Variants in NEO1 observed in about 807,000 individuals in gnomAD.
NEO1 encodes neogenin 1, also known as neogenin.
NEO1 carries 63 observed loss-of-function variants against 159.7 expected under a neutral mutation model. That is an observed-to-expected ratio of 0.39 (90% CI 0.32 to 0.49). The LOEUF (loss-of-function observed/expected upper bound fraction) is 0.49, where lower values mean the gene tolerates loss of function less well. NEO1 is among the 20% of genes least tolerant of loss of function. NEO1 has a pLI of 0.85. For synonymous variants in NEO1, 633 were observed against 662.0 expected, an observed-to-expected ratio of 0.96 and a Z score of 0.67; for missense variants, 1,615 against 1,831.0, an observed-to-expected ratio of 0.88 and a Z score of 2.15.
At chr15:73,300,681 A>G (rs1184537959) in intron 27 of NEO1, among the ~76,000 whole-genome samples, 3 of 152,222 alleles carry the variant, frequency 2.0e-5, no homozygotes. Context: ...CAGTGAGCAG[A>G]GGTTGCTCCA....
rs750953602 is a variant in NEO1, at chr15:73,135,883, T to TA, written c.879-6dup. 1.0e-3 allele frequency: 1,479 copies of TA among 1,427,450 alleles called. 3 individuals carry two copies. Among genetic ancestry groups the TA allele is most frequent in the African/African-American group, 3.5e-3 (236 of 67,274 alleles). The allele number at this position is 1,427,450 out of a possible 1,614,324, so 88.4% of individuals were successfully genotyped here. On this transcript the variant is annotated splice_polypyrimidine_tract_variant and splice_region_variant and intron_variant, in intron 4 of 28. Coordinates refer to ENST00000261908, the MANE Select transcript of NEO1 (RefSeq NM_002499.4). Reference sequence around the variant, plus strand: ...TGTATCTTTTTTTTTTTTTTTTTTTTAACACAGCTCTGAAAGATTGGTATT... The same window carrying TA: ...TGTATCTTTTTTTTTTTTTTTTTTTTAAACACAGCTCTGAAAGATTGGTATT...
At chr15:73,073,066 T>G (rs1182474706) in intron 1 of NEO1, among the ~76,000 whole-genome samples, 1 of 152,122 alleles carries the variant, frequency 6.6e-6, no homozygotes, top group African/African-American at 2.4e-5. Context: ...AGCATTACAG[T>G]CTGGAGTGTG....
intron 7 of NEO1, among the ~76,000 whole-genome samples, chr15:73,197,748 T>C (rs953107075): frequency 1.3e-5 from 2 of 151,568 alleles, no homozygotes; most frequent in Non-Finnish European, 2.9e-5. Context: ...TGGCGCAATT[T>C]CGGCTCACTG....
At chr15:73,249,522 T>C in intron 10 of NEO1, 61 bp from the exon 11 acceptor site, 1 of 1,494,032 alleles carries the variant, frequency 6.7e-7, no homozygotes, top group East Asian at 2.3e-5. Context: ...GCTAATTCTT[T>C]AATTTTCAAC....
At chr15:73,248,929 CA>C in intron 9 of NEO1, 130 bp from the exon 10 acceptor site, 1 of 856,178 alleles carries the variant, frequency 1.2e-6, no homozygotes, top group Non-Finnish European at 1.8e-6. Flanking sequence ...AAAACCACTT[CA>C]ATCAAATCCA....
At chr15:73,295,541 A>G (rs1021438675) in intron 26 of NEO1, among the ~76,000 whole-genome samples, 1 of 151,680 alleles carries the variant, frequency 6.6e-6, no homozygotes, top group African/African-American at 2.4e-5. Flanking sequence ...TCCCTGCTCT[A>G]CGGACCTAGG....
At chr15:73,086,365 C>A (rs187581518) in intron 1 of NEO1, among the ~76,000 whole-genome samples, 1 of 152,160 alleles carries the variant, frequency 6.6e-6, no homozygotes, top group Non-Finnish European at 1.5e-5. Context: ...TAGTTTGAAT[C>A]CTTCAATTTT....
intron 7 of NEO1, among the ~76,000 whole-genome samples, chr15:73,213,113 A>G (rs925332109): frequency 6.6e-6 from 1 of 152,130 alleles, no homozygotes; most frequent in Non-Finnish European, 1.5e-5. Context: ...AGCATATTGC[A>G]TTTTGATTTT....
chr15:73,274,645 T>G, intron 20 of NEO1, 47 bp from the exon 21 acceptor site: 1 of 1,603,024 alleles, frequency 6.2e-7, no homozygotes, highest in Non-Finnish European at 8.5e-7. Flanking sequence ...CTTCAAAGCT[T>G]GTGATCCTTG....
At chr15:73,152,277 T>C (rs1254161745) in intron 5 of NEO1, among the ~76,000 whole-genome samples, 1 of 152,194 alleles carries the variant, frequency 6.6e-6, no homozygotes, top group African/African-American at 2.4e-5. Flanking sequence ...GGCTCTAATC[T>C]TCCCCAGCCT....
At chr15:73,105,007 T>C (rs1367960859) in intron 1 of NEO1, among the ~76,000 whole-genome samples, 1 of 152,196 alleles carries the variant, frequency 6.6e-6, no homozygotes, top group Non-Finnish European at 1.5e-5. Context: ...ACCCAAACTG[T>C]ATCATAGGCA....
intron 8 of NEO1, among the ~76,000 whole-genome samples, chr15:73,237,898 CTTA>C (rs977375818): frequency 2.6e-4 from 39 of 152,238 alleles, no homozygotes; most frequent in Admixed American, 7.2e-4. Context: ...GTTTTTTGCT[CTTA>C]TTGTGCGTTC....
intron 1 of NEO1, among the ~76,000 whole-genome samples, chr15:73,100,466 C>A (rs2070340969): frequency 6.6e-6 from 1 of 152,184 alleles, no homozygotes; most frequent in African/African-American, 2.4e-5. Context: ...TCTCAAGTAG[C>A]TGGGATTACA....
rs142917180 is a variant in NEO1 at position 73,178,316 on chromosome 15, A to G, written c.1180A>G (p.Asn394Asp). ...SDYFKIVKEH[N>D]LQVLGLVKSD... Reference sequence around the variant, plus strand: ...TGCTTTTCTTCTTCAGAAGGAACATAATCTTCAAGTTTTGGGTCTGGTGAA... The same window carrying G: ...TGCTTTTCTTCTTCAGAAGGAACATGATCTTCAAGTTTTGGGTCTGGTGAA... The change falls in exon 7 of 29, where the codon AAT (asparagine) becomes GAT (aspartate). Residue 394 changes from asparagine to aspartate, a missense_variant. This residue lies in a region of NEO1 where 1,018 missense variants were observed against 1,115.4 expected (regional missense o/e 0.91). Transcript: ENST00000261908. The G allele has an allele frequency of 6.9e-5, 111 of 1,612,528 alleles. 1 individual carries two copies. In the African/African-American group the frequency reaches 1.3e-3, roughly 18 times the overall value.
intron 7 of NEO1, among the ~76,000 whole-genome samples, chr15:73,232,301 T>C (rs2038952016): frequency 6.6e-6 from 1 of 152,212 alleles, no homozygotes; most frequent in South Asian, 2.1e-4. Context: ...TATTTAGTTT[T>C]GATTATCTTT....
chr15:73,210,819 T>C (rs2037514766), intron 7 of NEO1, among the ~76,000 whole-genome samples: 1 of 152,204 alleles, frequency 6.6e-6, no homozygotes, highest in Non-Finnish European at 1.5e-5. Context: ...AAGTTCTGTT[T>C]AGAAAGTCAG....
chr15:73,100,338 CTT>C (rs1165859838), intron 1 of NEO1, among the ~76,000 whole-genome samples: 12 of 143,226 alleles, frequency 8.4e-5, no homozygotes, highest in Admixed American at 7.0e-5. Context: ...ATTTTGATAT[CTT>C]TTTTTTTTTT....
At chr15:73,208,845 G>A (rs2037386967) in intron 7 of NEO1, among the ~76,000 whole-genome samples, 1 of 152,088 alleles carries the variant, frequency 6.6e-6, no homozygotes, top group Admixed American at 6.6e-5. Context: ...CTGGGTGAAA[G>A]AGTGAGACCC....
chr15:73,116,574 T>A lies in NEO1; in HGVS notation c.165T>A (p.Phe55Leu), dbSNP rs769844261. The A allele has an allele frequency of 6.5e-7, 1 of 1,546,730 alleles. No individual in the cohort carries two copies. The highest frequency in any genetic ancestry group is 1.3e-5 in the South Asian group (1 of 79,000). ...ASIRTFTPFY[F>L]LVEPVDTLSV... is the part of the protein sequence containing the mutation. Reference sequence around the variant, plus strand: ...TTCGAACGTTCACTCCATTTTATTTTCTGGTGGAGCCGGTGGATACACTCT... The same window carrying A: ...TTCGAACGTTCACTCCATTTTATTTACTGGTGGAGCCGGTGGATACACTCT... The change falls in exon 2 of 29, where the codon TTT becomes TTA. Residue 55 changes from phenylalanine to leucine, a missense_variant. Phe to Leu is a conservative substitution (Grantham distance 22, BLOSUM62 0). Coordinates refer to ENST00000261908, the MANE Select transcript of NEO1 (RefSeq NM_002499.4).
Sources: gnomAD v4.1 joint callset for allele counts (sites outside exome capture counted in the v4.1 genomes callset) on GRCh38, gnomAD v4.1.1 for gene constraint, gnomAD v4.1.1 regional missense constraint, MANE v1.5 for transcripts, NCBI Gene and HGNC (gene_info 2026-07-23, HGNC 2026-07-21) for gene names.